NEMP2: variants seen among roughly 807,000 people sequenced by gnomAD.
NEMP2 encodes the protein nuclear envelope integral membrane protein 2, also known as UPF0571 transmembrane protein.
NEMP2 carries 53 observed loss-of-function variants against 54.2 expected under a neutral mutation model. The ratio of observed to expected loss-of-function variants is 0.98; its 90% CI spans 0.78 to 1.23. The LOEUF (loss-of-function observed/expected upper bound fraction) is 1.23, where lower values mean the gene tolerates loss of function less well. NEMP2 is among the 50% of genes most tolerant of loss of function. The pLI, the probability that NEMP2 is intolerant of heterozygous loss-of-function variation, is 0.00. For synonymous variants in NEMP2, 197 were observed against 190.3 expected (o/e 1.04, Z -0.29); for missense variants, 455 against 511.3 (o/e 0.89, Z 1.06).
chr2:190,635,836 A>T, the NEMP2 span, among the ~76,000 whole-genome samples: 14 of 152,276 alleles, frequency 9.2e-5, no homozygotes, highest in East Asian at 9.7e-4. This position sits in a 1 kb window ranked among gnomAD's most constrained non-coding sequence, Gnocchi z 4.1. Flanking sequence ...AAGTGTTTGT[A>T]CCAATTTATA....
chr2:190,500,150 C>G (rs754733964), downstream of NEMP2: 6 of 1,614,042 alleles, frequency 3.7e-6, no homozygotes. The surrounding 1 kb of genome is among the most constrained non-coding windows in gnomAD (Gnocchi z 5.3). Flanking sequence ...CCCCGCTCAC[C>G]CCAGTGTGGA....
the NEMP2 span, among the ~76,000 whole-genome samples, chr2:190,553,757 T>C: frequency 2.0e-5 from 3 of 152,176 alleles, no homozygotes; most frequent in Non-Finnish European, 4.4e-5. Flanking sequence ...TCTCAAACAT[T>C]TACTCCTGAG....
chr2:190,552,964 G>C, the NEMP2 span, among the ~76,000 whole-genome samples: 1 of 151,794 alleles, frequency 6.6e-6, no homozygotes, highest in Non-Finnish European at 1.5e-5. Flanking sequence ...AAAATTAAGT[G>C]TTCCAAGTAT....
At chr2:190,515,876 A>T (rs937248038) in intron 6 of NEMP2, among the ~76,000 whole-genome samples, 1 of 152,206 alleles carries the variant, frequency 6.6e-6, no homozygotes, top group African/African-American at 2.4e-5. Context: ...TATAGTTAGG[A>T]TTTCTCACCT....
the NEMP2 span, among the ~76,000 whole-genome samples, chr2:190,548,840 C>G: frequency 6.6e-6 from 1 of 152,328 alleles, no homozygotes; most frequent in African/African-American, 2.4e-5. Context: ...TCCAGCTACT[C>G]CAGCTCTCCA....
chr2:190,518,482 T>C (rs1049824977), intron 4 of NEMP2, among the ~76,000 whole-genome samples: 4 of 152,232 alleles, frequency 2.6e-5, no homozygotes, highest in Admixed American at 2.0e-4. Context: ...AGAGCTTGCA[T>C]AGTTATCAAG....
In NEMP2 at chr2:190,506,175, T is replaced by C. The variant is rs530387501; in HGVS notation, c.*3014A>G. 10 of 152,332 alleles carry C rather than the reference T, an allele frequency of 6.6e-5. No homozygotes were observed. The highest frequency in any genetic ancestry group is 5.2e-4 in the Admixed American group (8 of 15,304). 9.4% of individuals were successfully genotyped at this position (152,332 alleles called of 1,614,324 possible). ...AACAAAAAGCAGGGTTCTAAGTCAATAAGGCTAACAGTCACACCCAAATAG... is the reference window on the plus strand; with the variant it reads ...AACAAAAAGCAGGGTTCTAAGTCAACAAGGCTAACAGTCACACCCAAATAG... On this transcript the variant is annotated 3_prime_UTR_variant, in exon 9 of 9. Transcript: ENST00000409150. The surrounding 1 kb of genome is among the most constrained non-coding windows in gnomAD (Gnocchi z 6.3).
In NEMP2 at chr2:190,525,839, G is replaced by C. The variant is rs1474209368; in HGVS notation, c.98-461C>G. Among the ~76,000 whole-genome samples, 1 of 152,080 alleles carries C rather than the reference G, an allele frequency of 6.6e-6. No individual in the cohort carries two copies. The highest frequency in any genetic ancestry group is 1.5e-5 in the Non-Finnish European group (1 of 68,010). On this transcript the variant is annotated intron_variant, in intron 1 of 8. Transcript: ENST00000409150. This position sits in a 1 kb window ranked among gnomAD's most constrained non-coding sequence, Gnocchi z 5.0. ...GATATTGGATTCTTATATTGGTAAG[G>C]GAGCATGGATGGAAGGTATAGGGAT...
the NEMP2 span, among the ~76,000 whole-genome samples, chr2:190,579,602 G>A: frequency 6.6e-6 from 1 of 152,104 alleles, no homozygotes; most frequent in Admixed American, 6.5e-5. Context: ...AATGACCAAG[G>A]AACAAAATGT....
the NEMP2 span, among the ~76,000 whole-genome samples, chr2:190,599,041 C>T: frequency 6.6e-6 from 1 of 152,062 alleles, no homozygotes; most frequent in East Asian, 1.9e-4. Context: ...GAGTATGGGC[C>T]AGGACTTGTG....
chr2:190,557,811 A>G, the NEMP2 span, among the ~76,000 whole-genome samples: 1 of 152,214 alleles, frequency 6.6e-6, no homozygotes, highest in African/African-American at 2.4e-5. Flanking sequence ...ATCATTAAAA[A>G]GTCAGGAAAC....
the NEMP2 span, among the ~76,000 whole-genome samples, chr2:190,438,553 G>A: frequency 6.6e-6 from 1 of 152,162 alleles, no homozygotes; most frequent in Non-Finnish European, 1.5e-5. The surrounding 1 kb of genome is among the most constrained non-coding windows in gnomAD (Gnocchi z 5.2). Flanking sequence ...AGTGTTTCTT[G>A]TTGTGTACTA....
chr2:190,621,054 A>G, the NEMP2 span, among the ~76,000 whole-genome samples: 1 of 150,904 alleles, frequency 6.6e-6, no homozygotes. Context: ...TGAGTAAAAG[A>G]TCTAAAAGAT....
chr2:190,516,330 C>A lies in NEMP2; in HGVS notation c.667G>T (p.Val223Leu), dbSNP rs891251532. 17 of 1,551,438 alleles carry A rather than the reference C, an allele frequency of 1.1e-5. No homozygotes were observed. Among genetic ancestry groups the A allele is most frequent in the Non-Finnish European group, 1.3e-5 (15 of 1,146,932 alleles). ...VGCWFASVYI[V>L]CQLMEDLKWL... ...TTCAGATCTTCCATCAACTGGCATA[C>A]AATATAAACTGAGGCAAACCAACAA... Residue 223 changes from valine to leucine, a missense_variant, in exon 6 of 9, where the codon GTA becomes TTA. Coordinates refer to ENST00000409150, the MANE Select transcript of NEMP2 (RefSeq NM_001142645.2).
At chr2:190,546,841 G>A in the NEMP2 span, among the ~76,000 whole-genome samples, 7 of 152,144 alleles carry the variant, frequency 4.6e-5, no homozygotes, top group Non-Finnish European at 7.3e-5. The surrounding 1 kb of genome is among the most constrained non-coding windows in gnomAD (Gnocchi z 5.1). Context: ...TTGTGTGCAC[G>A]GAAGTCTCAA....
the NEMP2 span, chr2:190,488,506 A>G: frequency 5.6e-6 from 4 of 708,974 alleles, no homozygotes; most frequent in Non-Finnish European, 8.4e-6. The surrounding 1 kb of genome is among the most constrained non-coding windows in gnomAD (Gnocchi z 6.4). Context: ...TGAACCGTAC[A>G]TTTAAAAATG....
the NEMP2 span, among the ~76,000 whole-genome samples, chr2:190,426,809 T>G: frequency 2.0e-5 from 3 of 150,786 alleles, no homozygotes; most frequent in African/African-American, 7.4e-5. This position sits in a 1 kb window ranked among gnomAD's most constrained non-coding sequence, Gnocchi z 4.7. Context: ...CAAGATGTTT[T>G]GGGTATTATT....
At chr2:190,551,706 G>A in the NEMP2 span, among the ~76,000 whole-genome samples, 3 of 151,990 alleles carry the variant, frequency 2.0e-5, no homozygotes, top group South Asian at 2.1e-4. Flanking sequence ...AAGAGATTTC[G>A]CCTCAATACT....
chr2:190,424,370 T>C, the NEMP2 span, among the ~76,000 whole-genome samples: 2 of 152,106 alleles, frequency 1.3e-5, no homozygotes, highest in Non-Finnish European at 2.9e-5. The surrounding 1 kb of genome is among the most constrained non-coding windows in gnomAD (Gnocchi z 5.9). Flanking sequence ...AGTTTCACTC[T>C]TATTGCCCAG....
Sources: gnomAD v4.1 joint callset for allele counts (sites outside exome capture counted in the v4.1 genomes callset) on GRCh38, gnomAD v4.1.1 for gene constraint, Gnocchi (gnomAD v3.1) non-coding constraint, MANE v1.5 for transcripts, NCBI Gene and HGNC (gene_info 2026-07-23, HGNC 2026-07-21) for gene names.